PLP1: variants seen among roughly 807,000 people sequenced by gnomAD.
The protein encoded by PLP1 is myelin proteolipid protein.
PLP1 carries 2 observed loss-of-function variants against 18.5 expected under a neutral mutation model. That is an observed-to-expected ratio of 0.11 (90% confidence interval 0.04 to 0.34). PLP1 has a LOEUF of 0.34. Among genes scored for constraint, PLP1 ranks in the 10% least tolerant of loss-of-function variants. The pLI, the probability that PLP1 is intolerant of heterozygous loss-of-function variation, is 1.00. For synonymous variants in PLP1, 86 were observed against 83.2 expected (o/e 1.03, Z -0.19); for missense variants, 105 against 207.3 (o/e 0.51, Z 3.03).
chrX:103,789,609 T>C (rs2074527701), intron 6 of PLP1, among the ~76,000 whole-genome samples: 1 of 111,838 alleles, frequency 8.9e-6, no homozygotes, highest in South Asian at 3.8e-4. Flanking sequence ...AGAAAAGTGG[T>C]ATGAGGAAAG....
At chrX:103,781,869 T>A (rs1342801764) in intron 1 of PLP1, among the ~76,000 whole-genome samples, 1 of 111,994 alleles carries the variant, frequency 8.9e-6, no homozygotes, top group African/African-American at 3.2e-5. Flanking sequence ...GCCAAGGAAC[T>A]TCTCCCCTAG....
Position 103,777,905 on chromosome X carries a change from G to A in PLP1, c.4+906G>A, listed in dbSNP as rs1030461483. ...AGCTTAAACACATCCTAAATGAAAT[G>A]AGACTCAGTTGCCCCATGTATTCCC... On this transcript the variant is annotated intron_variant, in intron 1 of 6. Coordinates refer to ENST00000621218, the MANE Select transcript of PLP1 (RefSeq NM_000533.5). Among the ~76,000 whole-genome samples the A allele has an allele frequency of 9.2e-4, 104 of 112,610 alleles. 1 individual carries two copies. Among genetic ancestry groups the A allele is most frequent in the African/African-American group, 3.3e-3 (103 of 31,001 alleles).
chrX:103,786,410 C>A, intron 2 of PLP1, 55 bp from the exon 3 acceptor site: 1 of 1,163,884 alleles, frequency 8.6e-7, no homozygotes. Context: ...GGGAAAGAAG[C>A]CAGGTCTTCA....
At chrX:103,788,585 T>G in intron 5 of PLP1, 75 bp downstream of exon 5, 2 of 800,513 alleles carry the variant, frequency 2.5e-6, no homozygotes, top group Middle Eastern at 2.8e-4. Flanking sequence ...CCTTCAATTT[T>G]AAGGACTGAA....
Position 103,791,916 on chromosome X carries a change from T to G in PLP1, c.*1318T>G. 1 of 112,344 alleles carries G rather than the reference T, an allele frequency of 8.9e-6. No homozygotes were observed. Among genetic ancestry groups the G allele is most frequent in the Non-Finnish European group, 1.9e-5 (1 of 53,252 alleles). The allele number at this position is 112,344 out of a possible 1,213,427, so 9.3% of individuals were successfully genotyped here. The stretch of plus-strand genomic sequence containing the variant: ...TTCTTTCTAGCTAATGGAAAATGAT[T>G]TTACTTAGCAATGTTATCTTGGTGT... On this transcript the variant is annotated 3_prime_UTR_variant, in exon 7 of 7. Transcript: ENST00000621218.
intron 5 of PLP1, chrX:103,788,754 T>C: frequency 2.5e-6 from 1 of 405,991 alleles, no homozygotes; most frequent in Non-Finnish European, 4.3e-6. Context: ...AAGAGAAGTT[T>C]GTAGCTTTAG....
intron 6 of PLP1, among the ~76,000 whole-genome samples, chrX:103,790,200 G>A (rs1473660699): frequency 8.9e-6 from 1 of 112,169 alleles, no homozygotes; most frequent in East Asian, 2.8e-4. Context: ...TAAGTCACTC[G>A]GACATATTGA....
rs2074552033 is a variant in PLP1, at chrX:103,792,516, A to G, written c.*1918A>G. On this transcript the variant is annotated 3_prime_UTR_variant, in exon 7 of 7. Transcript: ENST00000621218. ...GTGTTTCCTTCATTTCTGATATAGA[A>G]TTGCAATTTTAACACACATAAAGGA... The G allele has an allele frequency of 8.9e-6, 1 of 112,961 alleles. No individual in the cohort carries two copies. Among genetic ancestry groups the G allele is most frequent in the Non-Finnish European group, 1.9e-5 (1 of 53,307 alleles). 9.3% of individuals were successfully genotyped at this position (112,961 alleles called of 1,213,427 possible).
chrX:103,787,555 C>T, intron 3 of PLP1: 1 of 436,775 alleles, frequency 2.3e-6, no homozygotes, highest in Non-Finnish European at 4.0e-6. Flanking sequence ...CTCTCTAACC[C>T]AGGGATCCTC....
At chrX:103,776,688 C>T (rs2074413253), upstream of PLP1, 1 of 302,408 alleles carries the variant, frequency 3.3e-6, no homozygotes, top group Non-Finnish European at 5.8e-6. Context: ...GAAAATGAAA[C>T]AATTGGCAGT....
intron 3 of PLP1, chrX:103,786,956 T>C: frequency 2.3e-6 from 1 of 432,746 alleles, no homozygotes; most frequent in Non-Finnish European, 4.0e-6. Context: ...ACAGAAAGCA[T>C]GAGTTTTGTG....
At chrX:103,783,700 T>C in intron 1 of PLP1, among the ~76,000 whole-genome samples, 1 of 112,105 alleles carries the variant, frequency 8.9e-6, no homozygotes. Context: ...TAACTAATGT[T>C]AACAGAATCA....
upstream of PLP1, chrX:103,776,735 G>C: frequency 2.9e-6 from 1 of 347,951 alleles, no homozygotes; most frequent in Middle Eastern, 6.3e-4. Context: ...CTTAGAGAAG[G>C]GAGTATCCCT....
At chrX:103,787,576 C>T in intron 3 of PLP1, 1 of 450,293 alleles carries the variant, frequency 2.2e-6, no homozygotes, top group Non-Finnish European at 3.9e-6. Flanking sequence ...CTCACTCTTC[C>T]CCTACCCATT....
At chrX:103,787,711 C>T in intron 3 of PLP1, 87 bp from the exon 4 acceptor site, 2 of 804,214 alleles carry the variant, frequency 2.5e-6, no homozygotes, top group Non-Finnish European at 3.8e-6. Flanking sequence ...TAATGTCTGG[C>T]ACACGCCACT....
intron 3 of PLP1, chrX:103,787,419 A>G (rs977767992): frequency 8.2e-6 from 2 of 245,220 alleles, no homozygotes; most frequent in Non-Finnish European, 7.3e-6. Context: ...TGGCTAGGGA[A>G]CAAAAATGTT....
intron 1 of PLP1, chrX:103,781,191 G>A (rs2074450889): frequency 3.8e-6 from 1 of 260,286 alleles, no homozygotes; most frequent in Non-Finnish European, 7.7e-6. Context: ...CATGGAGCTG[G>A]TCCTTGAGGC....
At chrX:103,776,764 G>A (rs1316456570), upstream of PLP1, 3 of 299,883 alleles carry the variant, frequency 1.0e-5, no homozygotes, top group Non-Finnish European at 1.7e-5. Flanking sequence ...GGGGAAAAGG[G>A]GAGGAGAAGG....
Position 103,776,957 on chromosome X carries a change from T to C in PLP1, c.-39T>C. The C allele has an allele frequency of 8.4e-7, 1 of 1,195,637 alleles. No homozygotes were observed. The highest frequency in any genetic ancestry group is 1.1e-6 in the Non-Finnish European group (1 of 881,134). On this transcript the variant is annotated 5_prime_UTR_variant, in exon 1 of 7. Coordinates refer to ENST00000621218, the MANE Select transcript of PLP1 (RefSeq NM_000533.5). ...GAACAAAGTCAGCCACAAAGCAGAC[T>C]AGCCAGCCGGCTACAATTGGAGTCA...
Sources: gnomAD v4.1 joint callset for allele counts (sites outside exome capture counted in the v4.1 genomes callset) on GRCh38, gnomAD v4.1.1 for gene constraint, MANE v1.5 for transcripts, NCBI Gene and HGNC (gene_info 2026-07-23, HGNC 2026-07-21) for gene names.